The following CCDC77 variants were observed in gnomAD, a reference collection of about 807,000 sequenced individuals.
The protein encoded by CCDC77 is coiled-coil domain-containing protein 77.
In CCDC77, 56 loss-of-function variants were observed where a neutral mutation model predicts 66.8. The ratio of observed to expected loss-of-function variants is 0.84; its 90% CI spans 0.68 to 1.05. The LOEUF (loss-of-function observed/expected upper bound fraction) is 1.05, where lower values mean the gene tolerates loss of function less well. Among genes scored for constraint, CCDC77 ranks in the 50% least tolerant of loss-of-function variants. The probability of loss-of-function intolerance (pLI) is 0.00; values close to 1 mark genes in which losing one functional copy is unlikely to be tolerated. For missense variants in CCDC77, 570 were observed against 576.8 expected (o/e 0.99, Z 0.12); for synonymous variants, 196 against 195.2 (o/e 1.00, Z -0.03).
intron 6 of CCDC77, among the ~76,000 whole-genome samples, chr12:429,153 T>G (rs1006011690): frequency 6.6e-5 from 10 of 152,306 alleles, no homozygotes; most frequent in Admixed American, 2.6e-4. Flanking sequence ...TTTTGATGCT[T>G]AAGTTTCTTT....
At chr12:418,103 G>A (rs917668181) in intron 4 of CCDC77, among the ~76,000 whole-genome samples, 1 of 152,112 alleles carries the variant, frequency 6.6e-6, no homozygotes, top group Non-Finnish European at 1.5e-5. Flanking sequence ...TGGATCACTT[G>A]AGGTCAGGAG....
intron 12 of CCDC77, among the ~76,000 whole-genome samples, chr12:441,327 C>T (rs1360557788): frequency 1.3e-5 from 2 of 152,182 alleles, no homozygotes; most frequent in Non-Finnish European, 2.9e-5. Context: ...TTTTTTCCAG[C>T]AGACACAGTT....
rs150049843 is a variant in CCDC77 at position 442,008 on chromosome 12, C to T, written c.*88C>T. ...GTCATCTGCTGCCAGAAAATGTAAA[C>T]CTGAGTTGACTAGAGTGGTGGTATT... On this transcript the variant is annotated 3_prime_UTR_variant, in exon 13 of 13. Transcript: ENST00000239830. The T allele has an allele frequency of 7.3e-7, 1 of 1,371,996 alleles. No individual in the cohort carries two copies. The highest frequency in any genetic ancestry group is 2.3e-5 in the East Asian group (1 of 43,598). 85.0% of individuals were successfully genotyped at this position (1,371,996 alleles called of 1,614,324 possible). A position where few individuals can be genotyped will look rare whatever the true frequency, so the allele number is the denominator to read the frequency against.
At chr12:417,439 T>C (rs1172793451) in intron 4 of CCDC77, among the ~76,000 whole-genome samples, 1 of 152,184 alleles carries the variant, frequency 6.6e-6, no homozygotes, top group Non-Finnish European at 1.5e-5. Context: ...GAATGTTTAT[T>C]CCTGCCACGC....
upstream of CCDC77, among the ~76,000 whole-genome samples, chr12:400,729 T>G (rs1944884058): frequency 6.6e-6 from 1 of 152,154 alleles, no homozygotes; most frequent in Non-Finnish European, 1.5e-5. Flanking sequence ...GGATAACAGA[T>G]CAGCATAACA....
chr12:442,640 A>G lies in CCDC77; in HGVS notation c.*720A>G, dbSNP rs1484651801. 1 of 152,234 alleles carries G rather than the reference A, an allele frequency of 6.6e-6. No individual in the cohort carries two copies. The highest frequency in any genetic ancestry group is 1.9e-4 in the East Asian group (1 of 5,202). 9.4% of individuals were successfully genotyped at this position (152,234 alleles called of 1,614,324 possible). A position where few individuals can be genotyped will look rare whatever the true frequency, so the allele number is the denominator to read the frequency against. ...TATTTTCAATAAAATATTTCACTCAAAAGATTTTCTTTGAGTTTTCTGTAA... is the reference window on the plus strand; with the variant it reads ...TATTTTCAATAAAATATTTCACTCAGAAGATTTTCTTTGAGTTTTCTGTAA... On this transcript the variant is annotated 3_prime_UTR_variant, in exon 13 of 13. Transcript: ENST00000239830.
chr12:389,511 G>T, intron 1 of CCDC77: 1 of 369,304 alleles, frequency 2.7e-6, no homozygotes, highest in Non-Finnish European at 5.1e-6. Context: ...AGGGGCACAA[G>T]CTCTTCTTTA....
Position 428,759 on chromosome 12 carries a change from A to G in CCDC77, c.414-10A>G, listed in dbSNP as rs762597198. On this transcript the variant is annotated splice_polypyrimidine_tract_variant and intron_variant, in intron 5 of 12. Coordinates refer to ENST00000239830, the MANE Select transcript of CCDC77 (RefSeq NM_032358.4). ...TAATAATATGTGCTTGCTTTCCATG[A>G]GAATTGCAGGGAGCTAGAAGACAAG... 12 of 1,582,826 alleles carry G rather than the reference A, an allele frequency of 7.6e-6. No individual in the cohort carries two copies. Among genetic ancestry groups the G allele is most frequent in the Non-Finnish European group, 7.8e-6 (9 of 1,159,840 alleles).
intron 2 of CCDC77, 147 bp from the exon 3 acceptor site, chr12:409,221 A>C: frequency 1.5e-6 from 1 of 645,752 alleles, no homozygotes; most frequent in East Asian, 2.8e-5. Flanking sequence ...AAAAAAAAAA[A>C]AAAGAAAAAA....
chr12:408,503 C>G (rs1000137550), intron 2 of CCDC77, among the ~76,000 whole-genome samples: 1 of 152,090 alleles, frequency 6.6e-6, no homozygotes, highest in Non-Finnish European at 1.5e-5. Context: ...AGTGGGTACT[C>G]TGCCTTAATT....
intron 3 of CCDC77, 105 bp downstream of exon 3, chr12:409,526 T>G: frequency 1.8e-6 from 2 of 1,128,892 alleles, no homozygotes; most frequent in Non-Finnish European, 2.6e-6. Flanking sequence ...TCCTAAAGTT[T>G]TTTTTCTTTG....
At chr12:398,396 A>G (rs9804967), upstream of CCDC77, among the ~76,000 whole-genome samples, 3,558 of 151,704 alleles carry the variant, frequency 0.023, 84 homozygotes, top group East Asian at 0.053. Flanking sequence ...CTTCATCCAT[A>G]GTTTCATCAT....
intron 8 of CCDC77, 149 bp from the exon 9 acceptor site, chr12:433,025 C>A: frequency 1.1e-6 from 1 of 900,050 alleles, no homozygotes; most frequent in Non-Finnish European, 1.7e-6. Context: ...AGAGCAAGAC[C>A]TTGTCTTGAA....
At chr12:416,389 A>ATGTG (rs1565569252) in intron 4 of CCDC77, among the ~76,000 whole-genome samples, 3 of 45,292 alleles carry the variant, frequency 6.6e-5, no homozygotes, top group East Asian at 8.4e-4. Flanking sequence ...ATATATATAT[A>ATGTG]TATATATATA....
At chr12:390,834 C>T (rs868633525) in intron 1 of CCDC77, among the ~76,000 whole-genome samples, 4 of 152,288 alleles carry the variant, frequency 2.6e-5, no homozygotes, top group Middle Eastern at 6.8e-3. Flanking sequence ...GCCTCACTTA[C>T]GTGTCTGGCA....
chr12:438,946 TGG>T (rs1945807681), intron 10 of CCDC77, among the ~76,000 whole-genome samples: 2 of 147,900 alleles, frequency 1.4e-5, no homozygotes, highest in African/African-American at 2.5e-5. Flanking sequence ...AGCATGATGG[TGG>T]GTGCCTGTAA....
rs146521066 is a variant in CCDC77, at chr12:438,426, C to T, written c.913C>T (p.Leu305Phe). The change falls in exon 10 of 13, where the codon CTT becomes TTT. Residue 305 changes from leucine to phenylalanine, a missense_variant. Leu to Phe is a conservative substitution (Grantham distance 22, BLOSUM62 0). Transcript: ENST00000239830. ...CCAAAATAAAGAGAAGTCATGGATGCTTGAAAAAGATAATTTGATGTCAAA... is the reference window on the plus strand; with the variant it reads ...CCAAAATAAAGAGAAGTCATGGATGTTTGAAAAAGATAATTTGATGTCAAA... ...ENQNKEKSWM[L>F]EKDNLMSKIK... The T allele has an allele frequency of 8.1e-5, 131 of 1,613,720 alleles. 1 individual carries two copies. In the Middle Eastern group the frequency reaches 8.3e-4, roughly 10 times the overall value.
chr12:408,355 G>C (rs10774170), intron 2 of CCDC77, among the ~76,000 whole-genome samples: 118,673 of 152,124 alleles, frequency 0.78, 46,355 homozygotes, highest in East Asian at 0.83. Context: ...CAAGATCTTG[G>C]GTTATCAATT....
chr12:439,168 A>G (rs1276648042), intron 10 of CCDC77, among the ~76,000 whole-genome samples: 1 of 152,156 alleles, frequency 6.6e-6, no homozygotes. Context: ...GTCTTCCCTC[A>G]TGGTGTTTAC....
Sources: gnomAD v4.1 joint callset for allele counts (sites outside exome capture counted in the v4.1 genomes callset) on GRCh38, gnomAD v4.1.1 for gene constraint, MANE v1.5 for transcripts, NCBI Gene and HGNC (gene_info 2026-07-23, HGNC 2026-07-21) for gene names.